Variants in SAMD11 observed in about 807,000 individuals in gnomAD.
The protein encoded by SAMD11 is sterile alpha motif domain-containing protein 11.
Under a neutral mutation model 64.4 loss-of-function variants are expected in SAMD11, and 77 were observed. That is an observed-to-expected ratio of 1.20 (90% CI 0.99 to 1.44). The LOEUF (loss-of-function observed/expected upper bound fraction) is 1.44, where lower values mean the gene tolerates loss of function less well. Ranked by LOEUF, SAMD11 falls within the 40% of genes most tolerant of loss-of-function variation. SAMD11 has a pLI of 0.00. For synonymous variants in SAMD11, 658 were observed against 421.9 expected (o/e 1.56, Z -6.86); for missense variants, 1,402 against 943.3 (o/e 1.49, Z -6.37).
chr1:935,626 C>T (rs1641391600), intron 4 of SAMD11, 146 bp from the exon 5 acceptor site: 1 of 1,104,476 alleles, frequency 9.1e-7, no homozygotes, highest in Non-Finnish European at 1.3e-6. Context: ...GCGTCACGGG[C>T]CACATGCCGA....
At chr1:932,916 A>G (rs569667369) in intron 4 of SAMD11, among the ~76,000 whole-genome samples, 108 of 152,254 alleles carry the variant, frequency 7.1e-4, no homozygotes, top group African/African-American at 2.6e-3. Context: ...AGCTGGTGGG[A>G]AAATGGGCAA....
intron 1 of SAMD11, among the ~76,000 whole-genome samples, chr1:925,495 CG>C (rs1160027548): frequency 6.6e-6 from 1 of 152,064 alleles, no homozygotes; most frequent in Non-Finnish European, 1.5e-5. Flanking sequence ...CCAGGCGCCG[CG>C]GGGAGTTAAA....
intron 5 of SAMD11, among the ~76,000 whole-genome samples, chr1:937,161 T>C (rs1297844209): frequency 6.6e-6 from 1 of 152,074 alleles, no homozygotes. Context: ...TGGAGGGGCA[T>C]TCACCCTGGG....
intron 2 of SAMD11, among the ~76,000 whole-genome samples, chr1:927,717 C>A (rs1370399965): frequency 6.6e-6 from 1 of 152,264 alleles, no homozygotes; most frequent in Non-Finnish European, 1.5e-5. Context: ...AGGGGCCCTG[C>A]AGGCCAAGCA....
At chr1:943,847 C>T in intron 13 of SAMD11, 39 bp downstream of exon 13, 1 of 1,613,012 alleles carries the variant, frequency 6.2e-7, no homozygotes, top group Non-Finnish European at 8.5e-7. Flanking sequence ...CTCCAGACCA[C>T]AGCTGGGCAG....
chr1:943,183 C>T (rs1388048616), intron 11 of SAMD11, 70 bp from the exon 12 acceptor site: 5 of 1,605,264 alleles, frequency 3.1e-6, no homozygotes, highest in Admixed American at 1.7e-5. Flanking sequence ...AATTGGGGCA[C>T]ACGACGGTCA....
Position 930,260 on chromosome 1 carries a change from G to A in SAMD11, c.715G>A (p.Gly239Arg), listed in dbSNP as rs749652698. 8 of 1,607,394 alleles carry A rather than the reference G, an allele frequency of 5.0e-6. No homozygotes were observed. Among genetic ancestry groups the A allele is most frequent in the Admixed American group, 1.7e-5 (1 of 59,264 alleles). The change falls in exon 3 of 14, where the codon GGG (glycine) becomes AGG (arginine). Residue 239 changes from glycine (G) to arginine (R), a missense_variant. Physicochemically the swap from Gly to Arg is moderately radical, Grantham distance 125 (BLOSUM62 -2). Transcript: ENST00000616016. ...SFSASDGDSD[G>R]SGPTCGRRPG... ...CTCTGCCAGCGATGGTGACAGCGAC[G>A]GGAGTGGCCCCACCTGTGGGCGGCG...
In SAMD11 at chr1:935,846, G is replaced by C; in HGVS notation, c.917G>C (p.Ser306Thr). The change falls in exon 5 of 14, where the codon AGC becomes ACC. Residue 306 changes from serine (S) to threonine (T), a missense_variant. Coordinates refer to ENST00000616016, the MANE Select transcript of SAMD11 (RefSeq NM_001385641.1). ...CACCTCGTTATGCCCGAGCATCAGA[G>C]CCGCTGTGAATTCCAGAGAGGCAGC... ...SRHLVMPEHQ[S>T]RCEFQRGSLE... 1 of 1,613,308 alleles carries C rather than the reference G, an allele frequency of 6.2e-7. No homozygotes were observed. The highest frequency in any genetic ancestry group is 8.5e-7 in the Non-Finnish European group (1 of 1,179,866).
rs1641890758 is a variant in SAMD11, at chr1:943,053, A to C, written c.2048A>C (p.His683Pro). The C allele has an allele frequency of 6.5e-7, 1 of 1,532,324 alleles. No homozygotes were observed. Among genetic ancestry groups the C allele is most frequent in the South Asian group, 1.3e-5 (1 of 77,948 alleles). 94.9% of individuals were successfully genotyped at this position (1,532,324 alleles called of 1,614,324 possible). Reference protein sequence around the residue: ...GFPYAVSPYFHTGAVGGLSMD... With the variant: ...GFPYAVSPYFPTGAVGGLSMD... ...CCTTATGCCGTCAGCCCCTACTTCC[A>C]CACAGGTGGGCACCCCCACACTCTA... The change falls in exon 11 of 14, where the codon CAC (histidine) becomes CCC (proline). Residue 683 changes from histidine to proline, a missense_variant. Coordinates refer to ENST00000616016, the MANE Select transcript of SAMD11 (RefSeq NM_001385641.1).
At chr1:941,348 C>T in intron 8 of SAMD11, 42 bp downstream of exon 8, 1 of 1,469,478 alleles carries the variant, frequency 6.8e-7, no homozygotes, top group Non-Finnish European at 9.0e-7. Flanking sequence ...TCTGGGGTGC[C>T]GCCCGCACCC....
In SAMD11 at chr1:941,222, C is replaced by A. The variant is rs778070452; in HGVS notation, c.1274C>A (p.Ser425Tyr). 1 of 1,601,618 alleles carries A rather than the reference C, an allele frequency of 6.2e-7. No individual in the cohort carries two copies. The highest frequency in any genetic ancestry group is 1.1e-5 in the South Asian group (1 of 89,314). ...PSGLEAHLPS[S>Y]TAGQRRKQGL... ...GGCCTGGAAGCCCACCTGCCCTCCT[C>A]CACGGCAGGTCAGCGTCGGAAGCAG... The change falls in exon 8 of 14, where the codon TCC becomes TAC. Residue 425 changes from serine to tyrosine, a missense_variant. By Grantham distance (144) the Ser-to-Tyr change is moderately radical (BLOSUM62 -2). Coordinates refer to ENST00000616016, the MANE Select transcript of SAMD11 (RefSeq NM_001385641.1).
chr1:929,567 G>A (rs928975610), intron 2 of SAMD11, among the ~76,000 whole-genome samples: 2 of 152,230 alleles, frequency 1.3e-5, no homozygotes, highest in African/African-American at 2.4e-5. Flanking sequence ...CGGTGGCAGG[G>A]TGTGGTGGGC....
chr1:928,795 G>T (rs953909930), intron 2 of SAMD11, among the ~76,000 whole-genome samples: 4 of 152,174 alleles, frequency 2.6e-5, no homozygotes, highest in East Asian at 1.9e-4. Flanking sequence ...CCACCTGGGT[G>T]GGGGGATGCT....
chr1:935,074 C>G lies in SAMD11; in HGVS notation c.843-698C>G, dbSNP rs564983820. 1.4e-3 allele frequency among the ~76,000 whole-genome samples: 216 copies of G among 152,126 alleles called. 2 individuals carry two copies. Among genetic ancestry groups the G allele is most frequent in the African/African-American group, 5.1e-3 (210 of 41,400 alleles). ...AAGGGGTGGAGGGCCGTGCTCCACA[C>G]AGTTCGTCTCATTGCTCTCTGGGAC... On this transcript the variant is annotated intron_variant, in intron 4 of 13. Coordinates refer to ENST00000616016, the MANE Select transcript of SAMD11 (RefSeq NM_001385641.1).
Position 942,784 on chromosome 1 carries a change from AGCCCCCCGGAAGGGGGGTCCCG to A in SAMD11, c.1784_1805del (p.Pro595LeufsTer12). 1 of 1,538,162 alleles carries A rather than the reference AGCCCCCCGGAAGGGGGGTCCCG, an allele frequency of 6.5e-7. No homozygotes were observed. Among genetic ancestry groups the A allele is most frequent in the Non-Finnish European group, 8.7e-7 (1 of 1,143,100 alleles). ...CCCCGTCCCGGGACTCTGCCCGGCG[AGCCCCCCGGAAGGGGGGTCCCG>A]GCCCTGCCTCAGCGCGGCCCAGCGA... On this transcript the variant is annotated frameshift_variant, in exon 11 of 14. Transcript: ENST00000616016. LOFTEE classifies it high-confidence loss of function.
chr1:940,030 C>G (rs1641662155), intron 7 of SAMD11, among the ~76,000 whole-genome samples: 1 of 152,178 alleles, frequency 6.6e-6, no homozygotes, highest in South Asian at 2.1e-4. Flanking sequence ...CCTCCCAGGC[C>G]CCAGCCGCCC....
intron 4 of SAMD11, among the ~76,000 whole-genome samples, chr1:932,640 T>C (rs529451800): frequency 2.3e-4 from 35 of 152,312 alleles, no homozygotes; most frequent in Non-Finnish European, 4.6e-4. Context: ...CCTGGGTCCT[T>C]CTGCCTCTGC....
At chr1:926,424 C>G (rs971689035) in intron 2 of SAMD11, among the ~76,000 whole-genome samples, 23 of 152,206 alleles carry the variant, frequency 1.5e-4, no homozygotes, top group African/African-American at 5.5e-4. Flanking sequence ...TCTGGGACGA[C>G]AGCATTTTGG....
At position 944,105 on chromosome 1, in the gene SAMD11, C is replaced by G. The variant is rs752064400; in HGVS notation, c.2487C>G (p.Thr829=). ...CTTCACCCAAGCAGGAGAATGGGAC[C>G]TTGGCTCTACTTCCAGGGGCCCCCG... ...GQTSPKQENG[T]LALLPGAPDP... Residue 829 remains threonine, a synonymous_variant, in exon 14 of 14, where the codon ACC becomes ACG. Coordinates refer to ENST00000616016, the MANE Select transcript of SAMD11 (RefSeq NM_001385641.1). The G allele has an allele frequency of 6.2e-7, 1 of 1,607,684 alleles. No homozygotes were observed. Among genetic ancestry groups the G allele is most frequent in the Admixed American group, 1.7e-5 (1 of 59,544 alleles).
Sources: gnomAD v4.1 joint callset for allele counts (sites outside exome capture counted in the v4.1 genomes callset) on GRCh38, gnomAD v4.1.1 for gene constraint, MANE v1.5 for transcripts, NCBI Gene and HGNC (gene_info 2026-07-23, HGNC 2026-07-21) for gene names.